MYLK4: variants seen among roughly 807,000 people sequenced by gnomAD.
MYLK4 encodes the protein caMLCK like.
MYLK4 carries 46 observed loss-of-function variants against 48.1 expected under a neutral mutation model. The ratio of observed to expected loss-of-function variants is 0.96; its 90% confidence interval spans 0.75 to 1.22. The LOEUF is 1.22. MYLK4 is among the 50% of genes most tolerant of loss of function. The probability of loss-of-function intolerance (pLI) is 0.00; values close to 1 mark genes in which losing one functional copy is unlikely to be tolerated. For synonymous variants in MYLK4, 170 were observed against 180.8 expected, an observed-to-expected ratio of 0.94 and a Z score of 0.48; for missense variants, 451 against 486.1, an observed-to-expected ratio of 0.93 and a Z score of 0.68.
the MYLK4 span, among the ~76,000 whole-genome samples, chr6:2,768,207 C>G: frequency 1.3e-5 from 2 of 152,176 alleles, no homozygotes; most frequent in Non-Finnish European, 2.9e-5. Flanking sequence ...TGTCATTGGT[C>G]TCAAGGCAAA....
At chr6:2,733,528 A>G (rs1763552535) in intron 2 of MYLK4, among the ~76,000 whole-genome samples, 1 of 152,220 alleles carries the variant, frequency 6.6e-6, no homozygotes, top group South Asian at 2.1e-4. Context: ...AGCCTCACTC[A>G]CAGAGAAGGA....
upstream of MYLK4, among the ~76,000 whole-genome samples, chr6:2,754,320 C>T (rs1025178645): frequency 2.6e-4 from 39 of 151,780 alleles, no homozygotes; most frequent in African/African-American, 8.7e-4. Flanking sequence ...ATGTGGTATA[C>T]ACATACAAAT....
chr6:2,703,920 C>T (rs927969744), intron 2 of MYLK4, among the ~76,000 whole-genome samples: 6 of 152,088 alleles, frequency 3.9e-5, no homozygotes, highest in African/African-American at 7.2e-5. Flanking sequence ...CTGCCTGCCT[C>T]GGCCTCCCAA....
rs187310542 is a variant in MYLK4, at chr6:2,724,588, C to T, written c.159+24548G>A. Among the ~76,000 whole-genome samples the T allele has an allele frequency of 1.9e-3, 284 of 152,286 alleles. 1 individual carries two copies. The highest frequency in any genetic ancestry group is 6.5e-3 in the African/African-American group (269 of 41,552). On this transcript the variant is annotated intron_variant, in intron 2 of 12. Transcript: ENST00000274643. ...TAAAATCACACTACAGAAATCCATC[C>T]TTCAGACTTTTATGATCAGTTGCTA... is the stretch of plus-strand genomic sequence containing the variant.
chr6:2,715,048 CGA>C (rs1762818123), intron 2 of MYLK4, among the ~76,000 whole-genome samples: 1 of 151,818 alleles, frequency 6.6e-6, no homozygotes, highest in African/African-American at 2.4e-5. Context: ...GCAGATCACC[CGA>C]GGTCAGGAGT....
chr6:2,680,476 T>C, intron 7 of MYLK4, 185 bp from the exon 8 acceptor site: 2 of 985,428 alleles, frequency 2.0e-6, no homozygotes, highest in Non-Finnish European at 2.4e-6. Context: ...GCGGGTATCC[T>C]GCCAACCCTG....
At chr6:2,711,912 C>T (rs1762687915) in intron 2 of MYLK4, among the ~76,000 whole-genome samples, 1 of 152,114 alleles carries the variant, frequency 6.6e-6, no homozygotes, top group South Asian at 2.1e-4. Flanking sequence ...GCTCTTTCCT[C>T]CAACCATGAT....
chr6:2,748,698 C>T (rs1764184055), intron 2 of MYLK4, among the ~76,000 whole-genome samples: 1 of 152,258 alleles, frequency 6.6e-6, no homozygotes, highest in Non-Finnish European at 1.5e-5. Flanking sequence ...GTCGTGCCAT[C>T]AGCAAGTCTT....
the MYLK4 span, chr6:2,766,529 TC>T: frequency 5.0e-6 from 7 of 1,411,890 alleles, no homozygotes; most frequent in Non-Finnish European, 6.5e-6. Context: ...TGTGCTGCCC[TC>T]GAAAGAAGCC....
At chr6:2,683,391 T>TGTGTGTG (rs1761397470) in intron 6 of MYLK4, among the ~76,000 whole-genome samples, 18 of 126,664 alleles carry the variant, frequency 1.4e-4, no homozygotes, top group African/African-American at 3.1e-4. Flanking sequence ...CCCCACCTTT[T>TGTGTGTG]TGTGTGTGTG....
chr6:2,702,720 A>G (rs1762334176), intron 2 of MYLK4, among the ~76,000 whole-genome samples: 1 of 152,220 alleles, frequency 6.6e-6, no homozygotes, highest in Admixed American at 6.5e-5. Flanking sequence ...GACCCTTTCT[A>G]CAATGTATAC....
the MYLK4 span, among the ~76,000 whole-genome samples, chr6:2,762,345 TTA>T: frequency 6.6e-6 from 1 of 152,224 alleles, no homozygotes; most frequent in African/African-American, 2.4e-5. Flanking sequence ...CCTAAGAGAC[TTA>T]AGGTACCAAA....
At chr6:2,740,917 G>A (rs181024689) in intron 2 of MYLK4, among the ~76,000 whole-genome samples, 174 of 152,334 alleles carry the variant, frequency 1.1e-3, no homozygotes, top group African/African-American at 4.0e-3. Context: ...TTCCTGAGTC[G>A]GATGTCCAGA....
the MYLK4 span, among the ~76,000 whole-genome samples, chr6:2,758,365 T>C: frequency 6.6e-6 from 1 of 151,188 alleles, no homozygotes; most frequent in Non-Finnish European, 1.5e-5. Flanking sequence ...TACATATGTA[T>C]ATATGAAATA....
chr6:2,725,575 GAA>G (rs10592501), intron 2 of MYLK4, among the ~76,000 whole-genome samples: 10,064 of 98,828 alleles, frequency 0.1, 428 homozygotes, highest in Middle Eastern at 0.14. Flanking sequence ...AAGAAAGAAA[GAA>G]AAAGAAAGAG....
At chr6:2,749,082 A>G (rs1398413770) in intron 2 of MYLK4, 54 bp downstream of exon 2, 2 of 1,530,788 alleles carry the variant, frequency 1.3e-6, no homozygotes, top group African/African-American at 1.4e-5. Context: ...ATGACATTAG[A>G]AAAGATAAGA....
At chr6:2,693,770 T>C (rs1052957055) in intron 2 of MYLK4, among the ~76,000 whole-genome samples, 3 of 151,552 alleles carry the variant, frequency 2.0e-5, no homozygotes, top group African/African-American at 7.3e-5. Flanking sequence ...TTTTTTTTTT[T>C]TTTTGAGATG....
chr6:2,692,640 A>G (rs1761847766), intron 3 of MYLK4, 144 bp downstream of exon 3: 1 of 476,920 alleles, frequency 2.1e-6, no homozygotes, highest in South Asian at 3.1e-5. Flanking sequence ...AAAAAAAAAA[A>G]AAGGGGGGGG....
At chr6:2,686,535 C>G (rs1463234082) in intron 4 of MYLK4, among the ~76,000 whole-genome samples, 1 of 152,190 alleles carries the variant, frequency 6.6e-6, no homozygotes, top group East Asian at 1.9e-4. Context: ...TAAGCTAGAA[C>G]ACGTGTCCCT....
Sources: gnomAD v4.1 joint callset for allele counts (sites outside exome capture counted in the v4.1 genomes callset) on GRCh38, gnomAD v4.1.1 for gene constraint, MANE v1.5 for transcripts, NCBI Gene and HGNC (gene_info 2026-07-23, HGNC 2026-07-21) for gene names.